CDH4: variants seen among roughly 807,000 people sequenced by gnomAD.
CDH4 encodes cadherin 4, also known as cadherin-4.
A neutral mutation model predicts 86.0 loss-of-function variants in CDH4; 33 were observed. That is an observed-to-expected ratio of 0.38 (90% confidence interval 0.29 to 0.51). The LOEUF (loss-of-function observed/expected upper bound fraction) is 0.51. Among genes scored for constraint, CDH4 ranks in the 20% least tolerant of loss-of-function variants. The pLI is 0.86. For synonymous variants in CDH4, 555 were observed against 549.4 expected, an observed-to-expected ratio of 1.01 and a Z score of -0.14; for missense variants, 1,114 against 1,307.4, an observed-to-expected ratio of 0.85 and a Z score of 2.28.
chr20:61,365,198 T>A (rs1192901741), intron 2 of CDH4, among the ~76,000 whole-genome samples: 1 of 152,190 alleles, frequency 6.6e-6, no homozygotes, highest in African/African-American at 2.4e-5. Context: ...GGGGCAGAAA[T>A]GGTTTCCATG....
At chr20:61,877,649 G>T (rs1389453457) in intron 7 of CDH4, among the ~76,000 whole-genome samples, 1 of 152,126 alleles carries the variant, frequency 6.6e-6, no homozygotes, top group Non-Finnish European at 1.5e-5. Context: ...GGGCTCGTCG[G>T]GAACATAGGT....
chr20:61,394,188 G>GC, intron 2 of CDH4, among the ~76,000 whole-genome samples: 1 of 152,062 alleles, frequency 6.6e-6, no homozygotes, highest in Non-Finnish European at 1.5e-5. Flanking sequence ...TCTAACCACA[G>GC]CCCCAGCCCT....
chr20:61,396,178 T>C (rs1437056296), intron 2 of CDH4, among the ~76,000 whole-genome samples: 1 of 152,208 alleles, frequency 6.6e-6, no homozygotes, highest in Non-Finnish European at 1.5e-5. Context: ...TAAAATATTA[T>C]AGTTACCAGG....
At chr20:61,746,123 C>G (rs1292027644) in intron 3 of CDH4, among the ~76,000 whole-genome samples, 4 of 152,118 alleles carry the variant, frequency 2.6e-5, no homozygotes, top group Non-Finnish European at 5.9e-5. Flanking sequence ...AGCAGTGGCC[C>G]CCAAATCGTG....
chr20:61,426,725 GT>G (rs1322092089), intron 2 of CDH4, among the ~76,000 whole-genome samples: 1 of 152,250 alleles, frequency 6.6e-6, no homozygotes, highest in Admixed American at 6.5e-5. Flanking sequence ...ACCAGCGAAG[GT>G]GGAGGGAGGG....
At chr20:61,745,117 AG>A (rs964246804) in intron 3 of CDH4, among the ~76,000 whole-genome samples, 43 of 152,334 alleles carry the variant, frequency 2.8e-4, no homozygotes, top group African/African-American at 9.6e-4. Context: ...TCACCACGCA[AG>A]GCGGCGGCCA....
intron 6 of CDH4, among the ~76,000 whole-genome samples, chr20:61,868,166 C>T (rs1418849623): frequency 6.6e-6 from 1 of 152,168 alleles, no homozygotes; most frequent in Non-Finnish European, 1.5e-5. Flanking sequence ...GGGGTCTGGG[C>T]CAGGGCCACC....
intron 6 of CDH4, among the ~76,000 whole-genome samples, chr20:61,867,548 C>CAAA (rs3079324): frequency 0.012 from 1,064 of 87,980 alleles, 22 homozygotes; most frequent in African/African-American, 0.041. Flanking sequence ...AGACTCCATC[C>CAAA]AAAAAAAAAA....
chr20:61,587,905 G>T (rs1037616228), intron 2 of CDH4, among the ~76,000 whole-genome samples: 1 of 152,106 alleles, frequency 6.6e-6, no homozygotes, highest in Admixed American at 6.5e-5. Flanking sequence ...CAGGCCCCAC[G>T]TTAAATTGAT....
At chr20:61,673,755 A>G (rs914306829) in intron 2 of CDH4, among the ~76,000 whole-genome samples, 2 of 152,216 alleles carry the variant, frequency 1.3e-5, no homozygotes, top group Non-Finnish European at 2.9e-5. Flanking sequence ...AATAAATTCA[A>G]AATGGGTTAT....
chr20:61,686,331 C>G (rs1479391069), intron 2 of CDH4, among the ~76,000 whole-genome samples: 2 of 152,192 alleles, frequency 1.3e-5, no homozygotes, highest in Non-Finnish European at 2.9e-5. Flanking sequence ...GAGAACAAGC[C>G]CAACTGTGCG....
intron 2 of CDH4, among the ~76,000 whole-genome samples, chr20:61,274,766 T>C (rs1188873361): frequency 3.3e-5 from 3 of 90,528 alleles, no homozygotes; most frequent in African/African-American, 1.3e-4. Context: ...GGGGCAGTAC[T>C]GTGTGCAGTT....
At position 61,269,268 on chromosome 20, in the gene CDH4, CTGGAGGAGCCAGGATTGA is replaced by C. The variant is rs1297122443; in HGVS notation, c.169+14335_169+14352del. Among the ~76,000 whole-genome samples, 2 of 152,158 alleles carry C rather than the reference CTGGAGGAGCCAGGATTGA, an allele frequency of 1.3e-5. No individual in the cohort carries two copies. The highest frequency in any genetic ancestry group is 4.8e-5 in the African/African-American group (2 of 41,428). On this transcript the variant is annotated intron_variant, in intron 2 of 15. Coordinates refer to ENST00000614565, the MANE Select transcript of CDH4 (RefSeq NM_001794.5). The surrounding 1 kb of genome is among the most constrained non-coding windows in gnomAD (Gnocchi z 5.3). The stretch of plus-strand genomic sequence containing the variant: ...TGGCACTGCCACTACCTTAGTGGCC[CTGGAGGAGCCAGGATTGA>C]TGGGGGGCAGCCTTCAGAGCCCAAC...
rs1214709512 is a variant in CDH4 at position 61,501,437 on chromosome 20, T to A, written c.170-242126T>A. Among the ~76,000 whole-genome samples the A allele has an allele frequency of 1.3e-5, 2 of 152,142 alleles. No homozygotes were observed. The highest frequency in any genetic ancestry group is 1.9e-4 in the East Asian group (1 of 5,176). ...GTTGGTGTTTACCTGGCTACGTACTTGGCCACGGAGAGTCCAGGTGGGAAG... is the reference window on the plus strand; with the variant it reads ...GTTGGTGTTTACCTGGCTACGTACTAGGCCACGGAGAGTCCAGGTGGGAAG... On this transcript the variant is annotated intron_variant, in intron 2 of 15. Transcript: ENST00000614565. This position sits in a 1 kb window ranked among gnomAD's most constrained non-coding sequence, Gnocchi z 4.2.
intron 2 of CDH4, among the ~76,000 whole-genome samples, chr20:61,449,939 G>T (rs929687216): frequency 1.2e-4 from 19 of 152,154 alleles, no homozygotes; most frequent in Non-Finnish European, 4.4e-5. Context: ...TGGGTAAAAG[G>T]CACTCACACA....
intron 2 of CDH4, among the ~76,000 whole-genome samples, chr20:61,673,639 G>A (rs1351256146): frequency 3.3e-5 from 5 of 152,316 alleles, no homozygotes; most frequent in African/African-American, 7.2e-5. Flanking sequence ...CATCCTTCCT[G>A]GGTGACCAGC....
chr20:61,664,990 A>C (rs1054292619), intron 2 of CDH4, among the ~76,000 whole-genome samples: 3 of 152,264 alleles, frequency 2.0e-5, no homozygotes, highest in Non-Finnish European at 4.4e-5. Context: ...AGTTGAAATT[A>C]CTTCTACCAA....
chr20:61,303,768 C>G (rs1391735005), intron 2 of CDH4, among the ~76,000 whole-genome samples: 1 of 152,176 alleles, frequency 6.6e-6, no homozygotes, highest in African/African-American at 2.4e-5. Context: ...CATCTGTGCC[C>G]ACCCCCAGGC....
At chr20:61,778,503 T>C (rs973827960) in intron 4 of CDH4, among the ~76,000 whole-genome samples, 3 of 151,982 alleles carry the variant, frequency 2.0e-5, no homozygotes, top group Non-Finnish European at 2.9e-5. Flanking sequence ...GGTAACCTAC[T>C]TGTAGAGAGG....
Sources: allele counts gnomAD v4.1 joint callset (sites outside exome capture counted in the v4.1 genomes callset), GRCh38; gene constraint gnomAD v4.1.1; non-coding constraint Gnocchi (gnomAD v3.1); transcripts MANE v1.5; gene names NCBI Gene and HGNC (gene_info 2026-07-23, HGNC 2026-07-21).